VOPP1: variants seen among roughly 807,000 people sequenced by gnomAD.
VOPP1 encodes the protein VOPP1 WW domain binding protein, also known as WW domain binding protein VOPP1.
A neutral mutation model predicts 23.5 loss-of-function variants in VOPP1; 8 were observed. The observed-to-expected ratio is 0.34, with a 90% CI of 0.20 to 0.61. The LOEUF (loss-of-function observed/expected upper bound fraction) is 0.61, where lower values mean the gene tolerates loss of function less well. Among genes scored for constraint, VOPP1 ranks in the 20% least tolerant of loss-of-function variants. VOPP1 has a pLI of 0.78. For synonymous variants in VOPP1, 83 were observed against 97.3 expected, an observed-to-expected ratio of 0.85 and a Z score of 0.86; for missense variants, 174 against 238.1, an observed-to-expected ratio of 0.73 and a Z score of 1.77.
At chr7:55,570,504 C>T (rs911390896) in intron 1 of VOPP1, among the ~76,000 whole-genome samples, 1 of 152,128 alleles carries the variant, frequency 6.6e-6, no homozygotes, top group African/African-American at 2.4e-5. Context: ...TGCAACGAAA[C>T]AGCTATTTTG....
chr7:55,510,924 A>G (rs76480303), intron 2 of VOPP1, among the ~76,000 whole-genome samples: 1,670 of 152,090 alleles, frequency 0.011, 11 homozygotes, highest in Middle Eastern at 0.02. Context: ...TGCCCTCCCC[A>G]ATCTGTCCTG....
At chr7:55,477,765 T>A (rs144594593) in intron 4 of VOPP1, among the ~76,000 whole-genome samples, 1 of 152,020 alleles carries the variant, frequency 6.6e-6, no homozygotes, top group Admixed American at 6.6e-5. Flanking sequence ...AGAGAACGGA[T>A]AGAAAATGAA....
At chr7:55,465,746 A>G (rs1007050399), downstream of VOPP1, among the ~76,000 whole-genome samples, 2 of 152,232 alleles carry the variant, frequency 1.3e-5, no homozygotes, top group Non-Finnish European at 2.9e-5. Flanking sequence ...TGGAAGACAC[A>G]AAGCCAGTAA....
At chr7:55,559,816 T>C (rs1039098560) in intron 1 of VOPP1, among the ~76,000 whole-genome samples, 1 of 152,102 alleles carries the variant, frequency 6.6e-6, no homozygotes, top group African/African-American at 2.4e-5. Context: ...CCACTGCCCA[T>C]GTCAGCCCCA....
rs142828932 is a variant in VOPP1, at chr7:55,514,056, A to G, written c.113+7016T>C. On this transcript the variant is annotated intron_variant, in intron 2 of 4. Transcript: ENST00000285279. Reference sequence around the variant, plus strand: ...GAAGCCAGGCTCCCAGATCCACCCCAGCGTCTGACTGGGAGCGGCGCCCTT... The same window carrying G: ...GAAGCCAGGCTCCCAGATCCACCCCGGCGTCTGACTGGGAGCGGCGCCCTT... Among the ~76,000 whole-genome samples the G allele has an allele frequency of 2.1e-3, 326 of 152,256 alleles. 2 individuals are homozygous for G. The highest frequency in any genetic ancestry group is 7.6e-3 in the African/African-American group (316 of 41,548).
intron 1 of VOPP1, among the ~76,000 whole-genome samples, chr7:55,522,610 C>T (rs745589957): frequency 1.3e-5 from 2 of 152,222 alleles, no homozygotes; most frequent in Non-Finnish European, 2.9e-5. Flanking sequence ...ATCACCGCCA[C>T]CGACAGCCAA....
At chr7:55,544,392 A>G (rs1797273983) in intron 1 of VOPP1, among the ~76,000 whole-genome samples, 1 of 152,206 alleles carries the variant, frequency 6.6e-6, no homozygotes, top group South Asian at 2.1e-4. Context: ...TGGTGGGGGA[A>G]GGAGATGGCC....
intron 4 of VOPP1, among the ~76,000 whole-genome samples, chr7:55,483,411 A>G (rs547714260): frequency 9.9e-5 from 15 of 151,992 alleles, no homozygotes; most frequent in African/African-American, 3.6e-4. Flanking sequence ...ACAGAGGGGG[A>G]ATCTGAGTCA....
intron 4 of VOPP1, among the ~76,000 whole-genome samples, chr7:55,489,770 G>C (rs1793429262): frequency 6.6e-6 from 1 of 152,156 alleles, no homozygotes; most frequent in Non-Finnish European, 1.5e-5. Context: ...CATCCAGCCT[G>C]AGGATGAGGG....
At chr7:55,524,756 G>T (rs1176813761) in intron 1 of VOPP1, among the ~76,000 whole-genome samples, 1 of 152,132 alleles carries the variant, frequency 6.6e-6, no homozygotes, top group African/African-American at 2.4e-5. Context: ...GATGGGAATG[G>T]AGACCAGGAG....
chr7:55,436,034 G>A (rs1219251265), downstream of VOPP1: 1 of 152,320 alleles, frequency 6.6e-6, no homozygotes, highest in Non-Finnish European at 1.5e-5. Flanking sequence ...CTAGCTTCTG[G>A]GTGAAGGATG....
At chr7:55,461,651 C>T (rs1791503494) in intron 4 of VOPP1, among the ~76,000 whole-genome samples, 1 of 152,118 alleles carries the variant, frequency 6.6e-6, no homozygotes, top group South Asian at 2.1e-4. Flanking sequence ...CTCCTGACCT[C>T]GTGATCCACC....
chr7:55,452,392 G>A (rs1443811493), intron 4 of VOPP1, among the ~76,000 whole-genome samples: 2 of 152,126 alleles, frequency 1.3e-5, no homozygotes, highest in Non-Finnish European at 2.9e-5. Context: ...CCATAAGGTT[G>A]GAATCAACTT....
intron 1 of VOPP1, among the ~76,000 whole-genome samples, chr7:55,541,197 T>A (rs1207630699): frequency 6.6e-6 from 1 of 152,216 alleles, no homozygotes; most frequent in Non-Finnish European, 1.5e-5. Flanking sequence ...CTTGCATAAC[T>A]CTGTGAATAT....
At chr7:55,539,020 T>C (rs900456247) in intron 1 of VOPP1, among the ~76,000 whole-genome samples, 10 of 125,856 alleles carry the variant, frequency 7.9e-5, no homozygotes, top group African/African-American at 3.1e-4. Flanking sequence ...TTCCTTTTTG[T>C]TTCATTCCTT....
At chr7:55,482,170 C>T (rs1562907157) in intron 4 of VOPP1, among the ~76,000 whole-genome samples, 5 of 151,886 alleles carry the variant, frequency 3.3e-5, no homozygotes, top group Admixed American at 2.0e-4. Flanking sequence ...TGGAATATTT[C>T]TCAAAGAACA....
intron 4 of VOPP1, among the ~76,000 whole-genome samples, chr7:55,440,547 C>T (rs1251322497): frequency 6.6e-6 from 1 of 152,238 alleles, no homozygotes; most frequent in Non-Finnish European, 1.5e-5. Context: ...GCTCAGGGCT[C>T]ACCTATTCCT....
chr7:55,538,545 C>T (rs1336309253), intron 1 of VOPP1: 3 of 1,408,600 alleles, frequency 2.1e-6, no homozygotes, highest in Non-Finnish European at 2.9e-6. Context: ...TTCCACAGTC[C>T]AACTGAGGAT....
At chr7:55,503,516 A>G (rs532318555) in intron 2 of VOPP1, among the ~76,000 whole-genome samples, 1 of 152,374 alleles carries the variant, frequency 6.6e-6, no homozygotes, top group East Asian at 1.9e-4. Context: ...TATGTAAAAA[A>G]GAAAAAAAGC....
Sources: allele counts gnomAD v4.1 joint callset (sites outside exome capture counted in the v4.1 genomes callset), GRCh38; gene constraint gnomAD v4.1.1; transcripts MANE v1.5; gene names NCBI Gene and HGNC (gene_info 2026-07-23, HGNC 2026-07-21).